Variants in FIG4 observed in about 807,000 individuals in gnomAD.
FIG4 encodes the protein polyphosphoinositide phosphatase.
FIG4 carries 112 observed loss-of-function variants against 118.6 expected under a neutral mutation model. The observed-to-expected ratio is 0.94, with a 90% CI of 0.81 to 1.11. FIG4 has a LOEUF of 1.11. Ranked by LOEUF, FIG4 falls within the 50% of genes least tolerant of loss-of-function variation. The pLI is 0.00. For synonymous variants in FIG4, 369 were observed against 381.2 expected, an observed-to-expected ratio of 0.97 and a Z score of 0.37; for missense variants, 969 against 1,111.7, an observed-to-expected ratio of 0.87 and a Z score of 1.83.
chr6:109,703,086 T>C (rs771276213), intron 1 of FIG4, among the ~76,000 whole-genome samples: 1 of 144,420 alleles, frequency 6.9e-6, no homozygotes, highest in Non-Finnish European at 1.5e-5. Flanking sequence ...TGAGAAAGGG[T>C]TCATAGAAGT....
At chr6:109,776,400 C>T (rs1777620815) in intron 15 of FIG4, among the ~76,000 whole-genome samples, 1 of 152,080 alleles carries the variant, frequency 6.6e-6, no homozygotes, top group Non-Finnish European at 1.5e-5. Context: ...AACATTGTCT[C>T]TGTTAAAGAA....
intron 21 of FIG4, among the ~76,000 whole-genome samples, chr6:109,793,046 A>G (rs999264983): frequency 6.6e-6 from 1 of 152,212 alleles, no homozygotes; most frequent in Admixed American, 6.5e-5. Flanking sequence ...AATGAATTCC[A>G]CTTAAAATGC....
chr6:109,754,658 T>G (rs1178976431), intron 10 of FIG4, among the ~76,000 whole-genome samples: 1 of 152,168 alleles, frequency 6.6e-6, no homozygotes, highest in Admixed American at 6.5e-5. Context: ...TTCTTCCTGG[T>G]TTAGTCTTGG....
At chr6:109,799,309 G>A (rs1023989685) in intron 22 of FIG4, among the ~76,000 whole-genome samples, 1 of 152,240 alleles carries the variant, frequency 6.6e-6, no homozygotes, top group Admixed American at 6.5e-5. Context: ...GAGCTTGGTA[G>A]CTCAGCATTA....
intron 22 of FIG4, among the ~76,000 whole-genome samples, chr6:109,798,636 G>GC (rs1384224367): frequency 1.3e-5 from 2 of 152,188 alleles, no homozygotes; most frequent in Non-Finnish European, 2.9e-5. Context: ...ACAGTCTGCA[G>GC]CTGATCTTGG....
At chr6:109,748,387 C>T (rs1254575032) in intron 10 of FIG4, among the ~76,000 whole-genome samples, 1 of 152,110 alleles carries the variant, frequency 6.6e-6, no homozygotes, top group African/African-American at 2.4e-5. Flanking sequence ...CAAGTAAGGA[C>T]AGGGCTTAAA....
chr6:109,766,732 ATT>A lies in FIG4; in HGVS notation c.1589_1590del (p.Phe530Ter), dbSNP rs1562671944. The A allele has an allele frequency of 6.2e-7, 1 of 1,613,572 alleles. No individual in the cohort carries two copies. The highest frequency in any genetic ancestry group is 8.5e-7 in the Non-Finnish European group (1 of 1,179,592). Reference sequence around the variant, plus strand: ...AATCGGGTTTTTCTTTTTTTAGGTTATTTGAGGAACTCTATGAAGATCATGGT... The same window carrying A: ...AATCGGGTTTTTCTTTTTTTAGGTTATGAGGAACTCTATGAAGATCATGGT... ...LQFDTDAVRL[F>X]EELYEDHGDT... On this transcript the variant is annotated frameshift_variant, in exon 15 of 23. Transcript: ENST00000230124. LOFTEE classifies it high-confidence loss of function.
At chr6:109,736,504 G>C (rs1041591024) in intron 6 of FIG4, among the ~76,000 whole-genome samples, 4 of 152,176 alleles carry the variant, frequency 2.6e-5, no homozygotes, top group Non-Finnish European at 4.4e-5. Flanking sequence ...GACAGATAGA[G>C]GGCAAGACAA....
intron 22 of FIG4, among the ~76,000 whole-genome samples, chr6:109,805,666 G>C (rs1237004810): frequency 6.6e-6 from 1 of 152,134 alleles, no homozygotes; most frequent in Non-Finnish European, 1.5e-5. Context: ...ATTCAGAAAA[G>C]TAATTGAGAC....
chr6:109,734,742 G>A (rs926692239), intron 5 of FIG4, among the ~76,000 whole-genome samples: 13 of 151,798 alleles, frequency 8.6e-5, no homozygotes, highest in South Asian at 6.2e-4. Context: ...TTTGCTCCTG[G>A]GTAAACTAGG....
At chr6:109,747,096 A>G (rs998986318) in intron 10 of FIG4, among the ~76,000 whole-genome samples, 3 of 152,120 alleles carry the variant, frequency 2.0e-5, no homozygotes, top group African/African-American at 7.2e-5. Context: ...TGCGTCCTCT[A>G]CACTTGTTCT....
chr6:109,786,188 C>A, intron 17 of FIG4, 114 bp from the exon 18 acceptor site: 1 of 880,876 alleles, frequency 1.1e-6, no homozygotes, highest in Non-Finnish European at 1.8e-6. Flanking sequence ...TCGGTCAGGG[C>A]TGTATCCCCC....
intron 13 of FIG4, 75 bp downstream of exon 13, chr6:109,764,057 A>C: frequency 2.1e-6 from 2 of 938,808 alleles, no homozygotes; most frequent in Non-Finnish European, 3.5e-6. Flanking sequence ...GTAAGCAATC[A>C]TGGAAAGACC....
intron 9 of FIG4, 141 bp from the exon 10 acceptor site, chr6:109,743,534 G>C: frequency 1.4e-6 from 1 of 724,146 alleles, no homozygotes. Flanking sequence ...AGTGTCTAGT[G>C]AGCATCTTAA....
intron 16 of FIG4, among the ~76,000 whole-genome samples, chr6:109,780,519 A>G (rs1037830945): frequency 1.3e-5 from 2 of 152,172 alleles, no homozygotes; most frequent in African/African-American, 4.8e-5. Flanking sequence ...CCCTGTTACT[A>G]TTCTTTAAGG....
intron 1 of FIG4, among the ~76,000 whole-genome samples, chr6:109,703,050 G>A (rs988418142): frequency 5.9e-5 from 9 of 151,904 alleles, no homozygotes; most frequent in Non-Finnish European, 1.2e-4. Flanking sequence ...CCTCGTTTTG[G>A]TAGAGTACTT....
chr6:109,763,578 A>G (rs1777177349), intron 12 of FIG4, among the ~76,000 whole-genome samples: 1 of 152,228 alleles, frequency 6.6e-6, no homozygotes, highest in Non-Finnish European at 1.5e-5. Context: ...GGAAGATTTT[A>G]TTAGAAAGAT....
rs527750406 is a variant in FIG4, at chr6:109,741,659, A to G, written c.876+115A>G. 1.1e-4 allele frequency: 84 copies of G among 772,254 alleles called. 2 individuals are homozygous for G. The South Asian group carries it at 1.1e-3, about 10-fold the overall frequency. 47.8% of individuals were successfully genotyped at this position (772,254 alleles called of 1,614,324 possible). Reference sequence around the variant, plus strand: ...TATTTCTTAGTTTGGGATATTATCAAGAGAATACAGTTGCCTTTTAGTATC... The same window carrying G: ...TATTTCTTAGTTTGGGATATTATCAGGAGAATACAGTTGCCTTTTAGTATC... On this transcript the variant is annotated intron_variant, in intron 8 of 22. Transcript: ENST00000230124.
At chr6:109,790,291 A>G (rs1391066475) in intron 19 of FIG4, among the ~76,000 whole-genome samples, 1 of 152,202 alleles carries the variant, frequency 6.6e-6, no homozygotes, top group East Asian at 1.9e-4. Context: ...ATTGTATGGA[A>G]TCTTAATTGT....
Sources: gnomAD v4.1 joint callset for allele counts (sites outside exome capture counted in the v4.1 genomes callset) on GRCh38, gnomAD v4.1.1 for gene constraint, MANE v1.5 for transcripts, NCBI Gene and HGNC (gene_info 2026-07-23, HGNC 2026-07-21) for gene names.